The following MCM9 variants were observed in gnomAD, a reference collection of about 807,000 sequenced individuals.
MCM9 encodes DNA helicase MCM9.
A neutral mutation model predicts 72.8 loss-of-function variants in MCM9; 55 were observed. The ratio of observed to expected loss-of-function variants is 0.76; its 90% CI spans 0.61 to 0.95. The LOEUF (loss-of-function observed/expected upper bound fraction) is 0.95, where lower values mean the gene tolerates loss of function less well. Ranked by LOEUF, MCM9 falls within the 40% of genes least tolerant of loss-of-function variation. The pLI, the probability that MCM9 is intolerant of heterozygous loss-of-function variation, is 0.00. For synonymous variants in MCM9, 480 were observed against 503.4 expected (o/e 0.95, Z 0.62); for missense variants, 1,279 against 1,377.0 (o/e 0.93, Z 1.13).
intron 8 of MCM9, among the ~76,000 whole-genome samples, chr6:118,889,069 T>C (rs1778786205): frequency 6.6e-6 from 1 of 152,202 alleles, no homozygotes; most frequent in Non-Finnish European, 1.5e-5. Context: ...GTGAATTACA[T>C]GTTATGTGAA....
chr6:118,913,386 T>G lies in MCM9; in HGVS notation c.939A>C (p.Gln313His). 1 of 1,614,004 alleles carries G rather than the reference T, an allele frequency of 6.2e-7. No individual in the cohort carries two copies. The highest frequency in any genetic ancestry group is 1.1e-5 in the South Asian group (1 of 91,074). ...GCTTTACTAGATACATTCCAAACAC[T>G]TGAGGGCACAAGCTAGCCAATATTA... ...RNVILASLCP[Q>H]VFGMYLVKLA... The change falls in exon 7 of 14, where the codon CAA becomes CAC. Residue 313 changes from glutamine to histidine, a missense_variant. Transcript: ENST00000619706.
chr6:118,924,936 C>A (rs910344744), intron 3 of MCM9, among the ~76,000 whole-genome samples: 1 of 151,850 alleles, frequency 6.6e-6, no homozygotes, highest in African/African-American at 2.4e-5. Context: ...CCCAGCAACT[C>A]GGTAGGGCTG....
intron 1 of MCM9, among the ~76,000 whole-genome samples, chr6:118,933,568 G>C (rs1472186328): frequency 6.6e-6 from 1 of 151,804 alleles, no homozygotes; most frequent in Non-Finnish European, 1.5e-5. Context: ...CTGGAGAAGA[G>C]GTGTACTTAA....
At chr6:118,888,962 T>G (rs1378638722) in intron 8 of MCM9, among the ~76,000 whole-genome samples, 3 of 152,140 alleles carry the variant, frequency 2.0e-5, no homozygotes, top group Non-Finnish European at 4.4e-5. Flanking sequence ...CTACAAAGCT[T>G]CTTTTTGAGA....
rs937500964 is a variant in MCM9 at position 118,926,780 on chromosome 6, T to C, written c.305-2653A>G. Reference sequence around the variant, plus strand: ...CTTGTTTGAACAGTTTTCGATTATCTTGGGCATACAGCTAAGGAGTAGAAC... The same window carrying C: ...CTTGTTTGAACAGTTTTCGATTATCCTGGGCATACAGCTAAGGAGTAGAAC... On this transcript the variant is annotated intron_variant, in intron 3 of 13. Transcript: ENST00000619706. Among the ~76,000 whole-genome samples the C allele has an allele frequency of 2.0e-5, 3 of 152,190 alleles. No individual in the cohort carries two copies. In the South Asian group the frequency reaches 6.2e-4, roughly 32 times the overall value.
chr6:118,834,029 C>G (rs1774779321), intron 9 of MCM9, among the ~76,000 whole-genome samples: 2 of 151,786 alleles, frequency 1.3e-5, no homozygotes, highest in Non-Finnish European at 2.9e-5. Context: ...CTCCCCTAGC[C>G]CCCCACCCAG....
At chr6:118,894,333 C>T in intron 8 of MCM9, 1 of 1,528,236 alleles carries the variant, frequency 6.5e-7, no homozygotes, top group East Asian at 2.5e-5. Flanking sequence ...CGGGGGTCTG[C>T]GCTCTCCCGA....
chr6:118,861,675 T>G (rs1776914763), intron 8 of MCM9, among the ~76,000 whole-genome samples: 1 of 152,134 alleles, frequency 6.6e-6, no homozygotes, highest in Admixed American at 6.5e-5. Flanking sequence ...AGTGTGTGCA[T>G]CTGGCTGGGT....
chr6:118,928,352 A>G (rs1782076587), intron 3 of MCM9, among the ~76,000 whole-genome samples: 1 of 152,106 alleles, frequency 6.6e-6, no homozygotes, highest in African/African-American at 2.4e-5. Flanking sequence ...CAGAGGTTGC[A>G]GTGAACCGAG....
In MCM9 at chr6:118,826,779, T is replaced by C. The variant is rs887928215; in HGVS notation, c.1815+3A>G. 2 of 1,545,498 alleles carry C rather than the reference T, an allele frequency of 1.3e-6. No homozygotes were observed. Among genetic ancestry groups the C allele is most frequent in the Admixed American group, 4.0e-5 (2 of 50,172 alleles). On this transcript the variant is annotated splice_donor_region_variant and intron_variant, in intron 12 of 13. Transcript: ENST00000619706. ...AAAAATTAGGTACACAAAATATCCT[T>C]ACCTGCATTGAGGACTCCATGACTG...
chr6:118,815,291 C>T lies in MCM9; in HGVS notation c.2965G>A (p.Glu989Lys), dbSNP rs1773338347. Residue 989 changes from glutamate to lysine, a missense_variant, in exon 14 of 14, where the codon GAG becomes AAG. Glu to Lys is a moderately conservative substitution (Grantham distance 56). Transcript: ENST00000619706. ...GNQISSQPQG[E>K]TKEVSQQPPE... Reference sequence around the variant, plus strand: ...GGCTGCTGCGACACCTCCTTTGTCTCACCCTGTGGCTGACTGGAGATCTGG... The same window carrying T: ...GGCTGCTGCGACACCTCCTTTGTCTTACCCTGTGGCTGACTGGAGATCTGG... 1 of 1,550,656 alleles carries T rather than the reference C, an allele frequency of 6.4e-7. No individual in the cohort carries two copies. The highest frequency in any genetic ancestry group is 8.7e-7 in the Non-Finnish European group (1 of 1,146,944).
intron 9 of MCM9, among the ~76,000 whole-genome samples, chr6:118,854,580 C>T (rs1419775132): frequency 2.0e-5 from 3 of 152,166 alleles, no homozygotes; most frequent in Admixed American, 6.5e-5. Flanking sequence ...CTCCAATCCC[C>T]GACCTCAGGT....
chr6:118,835,668 T>A (rs1774906702), intron 9 of MCM9, among the ~76,000 whole-genome samples: 1 of 152,218 alleles, frequency 6.6e-6, no homozygotes, highest in Non-Finnish European at 1.5e-5. Flanking sequence ...TACTGGTGTA[T>A]AGCAATGCTT....
At chr6:118,932,058 TAAC>T (rs779122357) in intron 2 of MCM9, among the ~76,000 whole-genome samples, 19 of 152,236 alleles carry the variant, frequency 1.2e-4, no homozygotes, top group South Asian at 2.1e-4. Context: ...GGCATGCACC[TAAC>T]AACATTTCCG....
chr6:118,816,220 T>C lies in MCM9; in HGVS notation c.2036A>G (p.Asn679Ser), dbSNP rs1375668434. 3 of 1,550,348 alleles carry C rather than the reference T, an allele frequency of 1.9e-6. No homozygotes were observed. The highest frequency in any genetic ancestry group is 1.4e-5 in the African/African-American group (1 of 73,032). ...GAAGTTTGATTCTTCCCCTGGACCATTTCTCAAGGATCCTGGAGTAGTCTC... is the reference window on the plus strand; with the variant it reads ...GAAGTTTGATTCTTCCCCTGGACCACTTCTCAAGGATCCTGGAGTAGTCTC... ...EVETTPGSLR[N>S]GPGEESNFRT... is the part of the protein sequence containing the mutation. The change falls in exon 14 of 14, where the codon AAT (asparagine) becomes AGT (serine). Residue 679 changes from asparagine to serine, a missense_variant. Coordinates refer to ENST00000619706, the MANE Select transcript of MCM9 (RefSeq NM_017696.3).
chr6:118,893,922 T>TCCCGCCGCATCCACGCCTC, intron 8 of MCM9: 2 of 721,538 alleles, frequency 2.8e-6, no homozygotes, highest in Non-Finnish European at 3.4e-6. Flanking sequence ...GATCGCGCCC[T>TCCCGCCGCATCCACGCCTC]CCCGCCGCAG....
At chr6:118,892,001 G>A (rs1468634538) in intron 8 of MCM9, among the ~76,000 whole-genome samples, 1 of 152,234 alleles carries the variant, frequency 6.6e-6, no homozygotes, top group East Asian at 1.9e-4. Context: ...TCAGCAACAA[G>A]TCCTACTGAT....
intron 8 of MCM9, chr6:118,908,957 A>C (rs1411800416): frequency 6.6e-6 from 1 of 152,636 alleles, no homozygotes; most frequent in Non-Finnish European, 1.5e-5. Flanking sequence ...ATTCTAAAAA[A>C]GTGAATTTGT....
intron 5 of MCM9, chr6:118,921,227 A>C (rs929320897): frequency 2.0e-5 from 3 of 152,200 alleles, no homozygotes; most frequent in African/African-American, 7.2e-5. Flanking sequence ...AGAACTCATC[A>C]CCATCTAAGG....
Sources: allele counts gnomAD v4.1 joint callset (sites outside exome capture counted in the v4.1 genomes callset), GRCh38; gene constraint gnomAD v4.1.1; transcripts MANE v1.5; gene names NCBI Gene and HGNC (gene_info 2026-07-23, HGNC 2026-07-21).